APBA2: variants seen among roughly 807,000 people sequenced by gnomAD.
APBA2 encodes the protein amyloid beta precursor protein binding family A member 2, also known as amyloid-beta A4 precursor protein-binding family A member 2.
Under a neutral mutation model 75.0 loss-of-function variants are expected in APBA2, and 30 were observed. That is an observed-to-expected ratio of 0.40 (90% CI 0.30 to 0.54). The LOEUF is 0.54. APBA2 is among the 20% of genes least tolerant of loss of function. APBA2 has a pLI of 0.49. For missense variants in APBA2, 801 were observed against 1,016.1 expected (o/e 0.79, Z 2.88); for synonymous variants, 444 against 409.6 (o/e 1.08, Z -1.01).
chr15:28,894,536 C>G (rs1440359953), intron 1 of APBA2, among the ~76,000 whole-genome samples: 1 of 152,092 alleles, frequency 6.6e-6, no homozygotes, highest in African/African-American at 2.4e-5. Flanking sequence ...GCCAGAAGAG[C>G]CCTCCAGGCA....
chr15:28,936,943 A>G (rs1489721422), intron 2 of APBA2, among the ~76,000 whole-genome samples: 2 of 152,176 alleles, frequency 1.3e-5, no homozygotes, highest in Non-Finnish European at 2.9e-5. Context: ...TCTGAGCCTT[A>G]GTCTCCCTCC....
chr15:28,893,044 G>A (rs373959872), intron 1 of APBA2, among the ~76,000 whole-genome samples: 1 of 152,190 alleles, frequency 6.6e-6, no homozygotes, highest in Non-Finnish European at 1.5e-5. Flanking sequence ...TGGATTATCC[G>A]GAGCTGGTGG....
At chr15:28,936,376 A>G (rs563067923) in intron 2 of APBA2, among the ~76,000 whole-genome samples, 1 of 152,262 alleles carries the variant, frequency 6.6e-6, no homozygotes, top group East Asian at 1.9e-4. Flanking sequence ...GGGCAGGAAA[A>G]GCATTTGTGC....
chr15:29,117,082 C>G lies in APBA2; in HGVS notation c.2199C>G (p.Pro733=), dbSNP rs779082827. ...SVGEIHMKTM[P]AAMFRLLTGQ... The stretch of plus-strand genomic sequence containing the variant: ...CGCAGATCCACATGAAGACCATGCC[C>G]GCCGCCATGTTCAGGCTCCTCACGG... Residue 733 remains proline (P), a synonymous_variant, in exon 15 of 15, where the codon CCC becomes CCG. Coordinates refer to ENST00000683413, the MANE Select transcript of APBA2 (RefSeq NM_001353788.2). The G allele has an allele frequency of 5.6e-6, 9 of 1,613,118 alleles. No individual in the cohort carries two copies. The highest frequency in any genetic ancestry group is 2.7e-5 in the African/African-American group (2 of 74,914).
intron 2 of APBA2, among the ~76,000 whole-genome samples, chr15:28,984,736 CTCTG>C: frequency 7.0e-6 from 1 of 143,588 alleles, no homozygotes. Flanking sequence ...GGGAGAGCTG[CTCTG>C]TCTCTCTATC....
chr15:29,002,766 C>A (rs1009588308), intron 3 of APBA2, among the ~76,000 whole-genome samples: 3 of 151,682 alleles, frequency 2.0e-5, no homozygotes, highest in Non-Finnish European at 4.4e-5. Flanking sequence ...ACCTTCAGTT[C>A]GAGAATCAGC....
chr15:29,071,184 T>C (rs1239561479), intron 4 of APBA2: 3 of 390,360 alleles, frequency 7.7e-6, no homozygotes, highest in Non-Finnish European at 1.5e-5. Context: ...GCAGGCAAAA[T>C]GAGAATTGAC....
chr15:28,892,372 G>A (rs575265093), intron 1 of APBA2, among the ~76,000 whole-genome samples: 1 of 152,314 alleles, frequency 6.6e-6, no homozygotes, highest in East Asian at 1.9e-4. Context: ...ACCACGCCTG[G>A]CCCATGTTTT....
At chr15:29,084,344 T>C (rs916193748) in intron 6 of APBA2, among the ~76,000 whole-genome samples, 1 of 152,162 alleles carries the variant, frequency 6.6e-6, no homozygotes, top group Non-Finnish European at 1.5e-5. Flanking sequence ...TTCCTAAAAA[T>C]AACACCTTTT....
intron 2 of APBA2, among the ~76,000 whole-genome samples, chr15:28,945,306 C>T (rs368321500): frequency 6.6e-6 from 1 of 152,154 alleles, no homozygotes; most frequent in South Asian, 2.1e-4. Context: ...TGGCCACTCA[C>T]AGTTGTTCGT....
intron 1 of APBA2, among the ~76,000 whole-genome samples, chr15:28,898,630 C>G (rs1309734846): frequency 1.3e-5 from 2 of 152,128 alleles, no homozygotes; most frequent in African/African-American, 4.8e-5. Context: ...GTCCCCTTTC[C>G]CCATCTTGGT....
intron 2 of APBA2, among the ~76,000 whole-genome samples, chr15:28,986,261 TTAAC>T (rs1260587196): frequency 1.3e-5 from 2 of 152,170 alleles, no homozygotes; most frequent in Non-Finnish European, 2.9e-5. Context: ...TCTGCAAACA[TTAAC>T]TAAAGTGCTG....
intron 2 of APBA2, among the ~76,000 whole-genome samples, chr15:28,963,298 A>AGGAAT (rs2036571354): frequency 6.6e-6 from 1 of 152,212 alleles, no homozygotes; most frequent in Non-Finnish European, 1.5e-5. Context: ...CAGGTGCTTT[A>AGGAAT]GGAATGGAAA....
At position 28,954,694 on chromosome 15, in the gene APBA2, A is replaced by G. The variant is rs868610346; in HGVS notation, c.-95+32945A>G. 4.6e-5 allele frequency among the ~76,000 whole-genome samples: 7 copies of G among 152,324 alleles called. 1 individual carries two copies. Among genetic ancestry groups the G allele is most frequent in the Middle Eastern group, 6.8e-3 (2 of 294 alleles). Reference sequence around the variant, plus strand: ...CTTCTTGAAGACGGCGCTCACGGTCAGGCTGCAGCAAATTCACAGTTGACA... The same window carrying G: ...CTTCTTGAAGACGGCGCTCACGGTCGGGCTGCAGCAAATTCACAGTTGACA... On this transcript the variant is annotated intron_variant, in intron 2 of 14. Transcript: ENST00000683413.
At chr15:29,101,349 C>G (rs527689809) in intron 9 of APBA2, among the ~76,000 whole-genome samples, 93 of 152,184 alleles carry the variant, frequency 6.1e-4, no homozygotes, top group Admixed American at 1.5e-3. Context: ...CCTGCCTCAG[C>G]CTCCTGAGTA....
intron 4 of APBA2, among the ~76,000 whole-genome samples, chr15:29,064,945 G>T (rs551010830): frequency 6.6e-6 from 1 of 152,312 alleles, no homozygotes; most frequent in Admixed American, 6.5e-5. Context: ...TAGATGGACA[G>T]TGTCTATAGA....
At chr15:29,034,371 A>G (rs2040640324) in intron 3 of APBA2, among the ~76,000 whole-genome samples, 1 of 152,198 alleles carries the variant, frequency 6.6e-6, no homozygotes, top group Non-Finnish European at 1.5e-5. Context: ...GGAACGCACC[A>G]CGAATAACAA....
At chr15:28,970,628 T>C (rs933801558) in intron 2 of APBA2, 33 of 151,674 alleles carry the variant, frequency 2.2e-4, no homozygotes, top group African/African-American at 8.0e-4. Context: ...TTACATTTTG[T>C]CACCTGAAAG....
At chr15:28,928,728 G>A (rs991397993) in intron 2 of APBA2, among the ~76,000 whole-genome samples, 16 of 152,154 alleles carry the variant, frequency 1.1e-4, no homozygotes, top group African/African-American at 3.6e-4. Flanking sequence ...CCAGGATGAC[G>A]TTTGTCCTCC....
Sources: gnomAD v4.1 joint callset for allele counts (sites outside exome capture counted in the v4.1 genomes callset) on GRCh38, gnomAD v4.1.1 for gene constraint, MANE v1.5 for transcripts, NCBI Gene and HGNC (gene_info 2026-07-23, HGNC 2026-07-21) for gene names.